OSBPL2: variants seen among roughly 807,000 people sequenced by gnomAD.
The protein encoded by OSBPL2 is oxysterol-binding protein-related protein 2.
In OSBPL2, 18 loss-of-function variants were observed where a neutral mutation model predicts 58.4. That is an observed-to-expected ratio of 0.31 (90% CI 0.21 to 0.46). The LOEUF (loss-of-function observed/expected upper bound fraction) is 0.46, where lower values mean the gene tolerates loss of function less well. OSBPL2 is among the 20% of genes least tolerant of loss of function. The pLI is 1.00. For synonymous variants in OSBPL2, 221 were observed against 234.1 expected (o/e 0.94, Z 0.51); for missense variants, 461 against 616.5 (o/e 0.75, Z 2.67).
chr20:62,252,587 G>A lies in OSBPL2; in HGVS notation c.-128-3470G>A, dbSNP rs141329898. Among the ~76,000 whole-genome samples the A allele has an allele frequency of 2.6e-5, 4 of 152,358 alleles. No individual in the cohort carries two copies. In the East Asian group the frequency reaches 7.7e-4, roughly 29 times the overall value. On this transcript the variant is annotated intron_variant, in intron 1 of 13. Coordinates refer to ENST00000313733, the MANE Select transcript of OSBPL2 (RefSeq NM_144498.4). ...GTCCGGGTGCTGCTGCTGAGTCGCC[G>A]TGGTGTGGCCTCTGGTCTCTGTACT... is the stretch of plus-strand genomic sequence containing the variant.
At chr20:62,240,231 A>G (rs1421915126) in intron 1 of OSBPL2, among the ~76,000 whole-genome samples, 2 of 152,088 alleles carry the variant, frequency 1.3e-5, no homozygotes, top group African/African-American at 4.8e-5. Flanking sequence ...TGTTGAGGAC[A>G]GGAACTTTGT....
chr20:62,249,284 C>T (rs1008998327), intron 1 of OSBPL2, among the ~76,000 whole-genome samples: 4 of 152,248 alleles, frequency 2.6e-5, no homozygotes, highest in Admixed American at 2.0e-4. Flanking sequence ...ATGCCCAGCA[C>T]AGACTCAGGC....
intron 4 of OSBPL2, among the ~76,000 whole-genome samples, chr20:62,267,803 C>T (rs929846378): frequency 3.3e-5 from 5 of 152,240 alleles, no homozygotes; most frequent in African/African-American, 1.2e-4. Flanking sequence ...AGTGTCTTTG[C>T]TGAGACAGCA....
Position 62,293,963 on chromosome 20 carries a change from G to A in OSBPL2, c.*76G>A, listed in dbSNP as rs756549729. 2.3e-5 allele frequency: 35 copies of A among 1,546,782 alleles called. No individual in the cohort carries two copies. The African/African-American group carries it at 3.5e-4, about 15-fold the overall frequency. On this transcript the variant is annotated 3_prime_UTR_variant, in exon 14 of 14. Transcript: ENST00000313733. ...TCCTCGAGTGGCCACTGTGAGCCTCGTCACAGCAGAAACCAACTTTTCTAA... is the reference window on the plus strand; with the variant it reads ...TCCTCGAGTGGCCACTGTGAGCCTCATCACAGCAGAAACCAACTTTTCTAA...
chr20:62,271,822 G>A (rs2145950990), intron 4 of OSBPL2: 2 of 327,782 alleles, frequency 6.1e-6, no homozygotes, highest in East Asian at 1.2e-4. Context: ...GGGCCCAAGA[G>A]CCCTTGTGGC....
At chr20:62,292,882 A>AT (rs35975453) in intron 13 of OSBPL2, among the ~76,000 whole-genome samples, 57,273 of 140,866 alleles carry the variant, frequency 0.41, 11,984 homozygotes, top group East Asian at 0.53. Flanking sequence ...ACCTTTCCTC[A>AT]TTTTTTTTTT....
At chr20:62,289,603 A>G (rs1983358891) in intron 12 of OSBPL2, among the ~76,000 whole-genome samples, 1 of 152,242 alleles carries the variant, frequency 6.6e-6, no homozygotes, top group African/African-American at 2.4e-5. Flanking sequence ...GAAAAAATAC[A>G]TACAAAGTAC....
rs80089792 is a variant in OSBPL2 at position 62,288,115 on chromosome 20, G to T, written c.1126-1092G>T. On this transcript the variant is annotated intron_variant, in intron 11 of 13. Transcript: ENST00000313733. This position sits in a 1 kb window ranked among gnomAD's most constrained non-coding sequence, Gnocchi z 4.8. ...CCCTGGAGTAGACTAGTGTGTGAGG[G>T]CCCAGGGGGCCATGGGGATGAGGGT... 0.011 allele frequency among the ~76,000 whole-genome samples: 1,622 copies of T among 152,300 alleles called. 15 individuals carry two copies. Among genetic ancestry groups the T allele is most frequent in the South Asian group, 0.024 (118 of 4,830 alleles).
rs192724440 is a variant in OSBPL2 at position 62,248,586 on chromosome 20, T to C, written c.-128-7471T>C. On this transcript the variant is annotated intron_variant, in intron 1 of 13. Coordinates refer to ENST00000313733, the MANE Select transcript of OSBPL2 (RefSeq NM_144498.4). ...GTTTCTGATGGACAGAGTAACAACA[T>C]GTAATTGAACTTCCAGCAGGTCGCC... Among the ~76,000 whole-genome samples the C allele has an allele frequency of 5.3e-5, 8 of 152,344 alleles. No homozygotes were observed. The East Asian group carries it at 1.5e-3, about 29-fold the overall frequency.
chr20:62,275,253 GTT>G (rs1240502298), intron 6 of OSBPL2, among the ~76,000 whole-genome samples: 5 of 152,130 alleles, frequency 3.3e-5, no homozygotes, highest in Non-Finnish European at 7.4e-5. Context: ...TTTTGTGTGT[GTT>G]TCAAAATATG....
At chr20:62,282,217 T>C (rs1226020387) in intron 9 of OSBPL2, 2 of 194,706 alleles carry the variant, frequency 1.0e-5, no homozygotes, top group Non-Finnish European at 2.2e-5. Context: ...GTGGGAAGTG[T>C]GGCCTTGCGT....
chr20:62,244,943 A>C (rs943865042), intron 1 of OSBPL2, among the ~76,000 whole-genome samples: 2 of 152,264 alleles, frequency 1.3e-5, no homozygotes, highest in African/African-American at 2.4e-5. Context: ...TTCTCAGTGT[A>C]GAAACTTCCT....
At chr20:62,254,979 G>C (rs936084987) in intron 1 of OSBPL2, among the ~76,000 whole-genome samples, 3 of 152,112 alleles carry the variant, frequency 2.0e-5, no homozygotes, top group African/African-American at 7.2e-5. Flanking sequence ...ACAGCCACTT[G>C]TTCCAGCCTC....
intron 4 of OSBPL2, among the ~76,000 whole-genome samples, chr20:62,265,882 G>C (rs1981629464): frequency 6.6e-6 from 1 of 152,190 alleles, no homozygotes; most frequent in Non-Finnish European, 1.5e-5. Flanking sequence ...CCTCAGGAAA[G>C]CTGAGGGAAG....
chr20:62,291,029 A>G (rs1983474208), intron 12 of OSBPL2, among the ~76,000 whole-genome samples: 1 of 151,910 alleles, frequency 6.6e-6, no homozygotes, highest in Admixed American at 6.6e-5. Flanking sequence ...GCCTGGCCTA[A>G]TTTTTGTATT....
intron 6 of OSBPL2, among the ~76,000 whole-genome samples, chr20:62,277,011 G>A (rs1982425706): frequency 6.6e-6 from 1 of 152,220 alleles, no homozygotes; most frequent in Admixed American, 6.5e-5. Flanking sequence ...CACTTTGAGA[G>A]GTTGAGGTAG....
At chr20:62,246,072 CCGCGTCTCCT>C (rs1980090915) in intron 1 of OSBPL2, among the ~76,000 whole-genome samples, 1 of 152,230 alleles carries the variant, frequency 6.6e-6, no homozygotes, top group Non-Finnish European at 1.5e-5. Context: ...GCTGCCATTC[CCGCGTCTCCT>C]CGCAGAGGCC....
intron 13 of OSBPL2, among the ~76,000 whole-genome samples, chr20:62,292,599 A>G (rs893563446): frequency 5.3e-5 from 8 of 152,256 alleles, no homozygotes; most frequent in African/African-American, 1.9e-4. Flanking sequence ...TGTAATAAGT[A>G]TAATTTAAAA....
chr20:62,280,137 G>C, intron 7 of OSBPL2: 1 of 1,301,908 alleles, frequency 7.7e-7, no homozygotes, highest in Non-Finnish European at 1.0e-6. Context: ...GTCTTGCCAA[G>C]CCACTGCCTG....
Sources: allele counts gnomAD v4.1 joint callset (sites outside exome capture counted in the v4.1 genomes callset), GRCh38; gene constraint gnomAD v4.1.1; non-coding constraint Gnocchi (gnomAD v3.1); transcripts MANE v1.5; gene names NCBI Gene and HGNC (gene_info 2026-07-23, HGNC 2026-07-21).